Variants in FGF12 observed in about 807,000 individuals in gnomAD.
The protein encoded by FGF12 is fibroblast growth factor 12B.
In FGF12, 14 loss-of-function variants were observed where a neutral mutation model predicts 23.6. The ratio of observed to expected loss-of-function variants is 0.59; its 90% confidence interval spans 0.39 to 0.93. The LOEUF is 0.93. Among genes scored for constraint, FGF12 ranks in the 40% least tolerant of loss-of-function variants. The probability of loss-of-function intolerance (pLI) is 0.00; values close to 1 mark genes in which losing one functional copy is unlikely to be tolerated. For synonymous variants in FGF12, 62 were observed against 77.3 expected (o/e 0.80, Z 1.04); for missense variants, 175 against 217.8 (o/e 0.80, Z 1.24).
In FGF12 at chr3:192,514,051, C is replaced by G. The variant is rs1289953141; in HGVS notation, c.14-153513G>C. Reference sequence around the variant, plus strand: ...GCCTTTCTCAATATCTCAGTTCATTCAAAGGTTCTGATTTTCTTTCTTTTC... The same window carrying G: ...GCCTTTCTCAATATCTCAGTTCATTGAAAGGTTCTGATTTTCTTTCTTTTC... On this transcript the variant is annotated intron_variant, in intron 2 of 5. Coordinates refer to ENST00000445105, the MANE Select transcript of FGF12 (RefSeq NM_004113.6). This position sits in a 1 kb window ranked among gnomAD's most constrained non-coding sequence, Gnocchi z 4.9. Among the ~76,000 whole-genome samples, 1 of 151,952 alleles carries G rather than the reference C, an allele frequency of 6.6e-6. No homozygotes were observed. The highest frequency in any genetic ancestry group is 1.5e-5 in the Non-Finnish European group (1 of 67,996).
chr3:192,408,009 C>A lies in FGF12; in HGVS notation c.14-47471G>T. ...GCGTCCCCTCTGGGGAGCCCACTCT[C>A]CGGGCTTCTACTGACCTGGTCTCCG... On this transcript the variant is annotated intron_variant, in intron 2 of 5. Coordinates refer to ENST00000445105, the MANE Select transcript of FGF12 (RefSeq NM_004113.6). This position sits in a 1 kb window ranked among gnomAD's most constrained non-coding sequence, Gnocchi z 7.3. 6.3e-7 allele frequency: 1 copy of A among 1,595,238 alleles called. No homozygotes were observed. Among genetic ancestry groups the A allele is most frequent in the Non-Finnish European group, 8.5e-7 (1 of 1,171,314 alleles).
At chr3:192,593,417 T>A (rs939645919) in intron 2 of FGF12, among the ~76,000 whole-genome samples, 1 of 151,902 alleles carries the variant, frequency 6.6e-6, no homozygotes, top group African/African-American at 2.4e-5. Flanking sequence ...GCACTTATTA[T>A]CACCTGACAT....
chr3:192,329,279 T>A (rs1429200642), intron 4 of FGF12, among the ~76,000 whole-genome samples: 1 of 152,174 alleles, frequency 6.6e-6, no homozygotes, highest in African/African-American at 2.4e-5. Context: ...AGGTAAGATT[T>A]GAGCTGAGCT....
intron 4 of FGF12, among the ~76,000 whole-genome samples, chr3:192,239,122 T>C (rs188655729): frequency 3.3e-5 from 5 of 152,302 alleles, no homozygotes; most frequent in Admixed American, 3.3e-4. Context: ...TGTAGAAGTG[T>C]ACATGGCCCA....
rs1391204469 is a variant in FGF12 at position 192,233,450 on chromosome 3, A to C, written c.229-62794T>G. On this transcript the variant is annotated intron_variant, in intron 4 of 5. Transcript: ENST00000445105. ...AAGTTTCTTACAGATTCTGGACATT[A>C]GACCTTTGTTGGATGCATAGTTTGC... is the stretch of plus-strand genomic sequence containing the variant. 2.0e-5 allele frequency among the ~76,000 whole-genome samples: 3 copies of C among 152,122 alleles called. No individual in the cohort carries two copies. In the East Asian group the frequency reaches 5.8e-4, roughly 29 times the overall value.
At chr3:192,723,437 A>G (rs926164750) in intron 2 of FGF12, among the ~76,000 whole-genome samples, 1 of 152,126 alleles carries the variant, frequency 6.6e-6, no homozygotes, top group Non-Finnish European at 1.5e-5. Context: ...CAGTTCCCTG[A>G]GATCTACACC....
intron 4 of FGF12, among the ~76,000 whole-genome samples, chr3:192,217,508 C>A (rs148836730): frequency 6.6e-6 from 1 of 152,050 alleles, no homozygotes; most frequent in African/African-American, 2.4e-5. Flanking sequence ...CAAAGAGGAA[C>A]GTAGACAACA....
chr3:192,373,183 C>A lies in FGF12; in HGVS notation c.14-12645G>T, dbSNP rs2108745381. Among the ~76,000 whole-genome samples, 3 of 152,120 alleles carry A rather than the reference C, an allele frequency of 2.0e-5. No homozygotes were observed. The South Asian group carries it at 6.2e-4, about 31-fold the overall frequency. ...TCTTTGTTGTTTATTATCTATTTCC[C>A]ACTCTAGACTGTAGCATCCCTGAGG... is the stretch of plus-strand genomic sequence containing the variant. On this transcript the variant is annotated intron_variant, in intron 2 of 5. Transcript: ENST00000445105.
chr3:192,682,243 TTATCTGC>T (rs1430841323), intron 2 of FGF12, among the ~76,000 whole-genome samples: 1 of 152,172 alleles, frequency 6.6e-6, no homozygotes, highest in Admixed American at 6.5e-5. Flanking sequence ...ACACCCAATA[TTATCTGC>T]TATAAGCCCC....
intron 4 of FGF12, among the ~76,000 whole-genome samples, chr3:192,307,306 A>G (rs905124552): frequency 6.6e-6 from 1 of 152,202 alleles, no homozygotes; most frequent in Non-Finnish European, 1.5e-5. Flanking sequence ...ATGCCAGATA[A>G]AAAAGGCACA....
chr3:192,178,114 A>G (rs1715959710), intron 4 of FGF12, among the ~76,000 whole-genome samples: 2 of 152,196 alleles, frequency 1.3e-5, no homozygotes, highest in African/African-American at 4.8e-5. Flanking sequence ...TCAAATGGGA[A>G]AGGCCTCTTT....
intron 2 of FGF12, among the ~76,000 whole-genome samples, chr3:192,702,325 A>G (rs1253312114): frequency 2.0e-5 from 3 of 152,196 alleles, no homozygotes; most frequent in Non-Finnish European, 2.9e-5. Flanking sequence ...AAAGTTAGGT[A>G]ATGGAACTAA....
At chr3:192,310,376 C>A (rs1280577712) in intron 4 of FGF12, among the ~76,000 whole-genome samples, 2 of 152,122 alleles carry the variant, frequency 1.3e-5, no homozygotes, top group African/African-American at 4.8e-5. Context: ...GAAAGTATGT[C>A]TTCATGTGTC....
intron 2 of FGF12, among the ~76,000 whole-genome samples, chr3:192,397,081 G>T (rs1328815710): frequency 6.6e-6 from 1 of 152,234 alleles, no homozygotes; most frequent in African/African-American, 2.4e-5. Context: ...AAAGAAGGGA[G>T]TTTTGTGGCA....
chr3:192,595,668 G>C (rs1231632752), intron 2 of FGF12, among the ~76,000 whole-genome samples: 1 of 152,170 alleles, frequency 6.6e-6, no homozygotes, highest in African/African-American at 2.4e-5. Flanking sequence ...CTAGTGCAGG[G>C]ACCACACTTG....
At chr3:192,175,244 A>G (rs1042915067) in intron 4 of FGF12, among the ~76,000 whole-genome samples, 5 of 152,212 alleles carry the variant, frequency 3.3e-5, no homozygotes, top group African/African-American at 1.2e-4. Flanking sequence ...TCCAGTGCAT[A>G]TAATAGAAAG....
Position 192,677,620 on chromosome 3 carries a change from A to G in FGF12, c.13+49561T>C, listed in dbSNP as rs1177033897. The stretch of plus-strand genomic sequence containing the variant: ...CTCTAAAATTGGAAACTGAAAAAAC[A>G]AAATAGCCATATGTTCTATGCCTGA... On this transcript the variant is annotated intron_variant, in intron 2 of 5. Transcript: ENST00000445105. Among the ~76,000 whole-genome samples, 2 of 152,270 alleles carry G rather than the reference A, an allele frequency of 1.3e-5. 1 individual carries two copies. Among genetic ancestry groups the G allele is most frequent in the East Asian group, 3.8e-4 (2 of 5,202 alleles).
At position 192,551,777 on chromosome 3, in the gene FGF12, C is replaced by A. The variant is rs577214109; in HGVS notation, c.13+175404G>T. The stretch of plus-strand genomic sequence containing the variant: ...AGAAAAAAAAAATACTCAATACATA[C>A]CATCCCACAACATACCATTCATAAT... On this transcript the variant is annotated intron_variant, in intron 2 of 5. Coordinates refer to ENST00000445105, the MANE Select transcript of FGF12 (RefSeq NM_004113.6). 1.9e-4 allele frequency among the ~76,000 whole-genome samples: 29 copies of A among 152,194 alleles called. No homozygotes were observed. In the South Asian group the frequency reaches 5.4e-3, roughly 28 times the overall value.
At chr3:192,427,279 G>A (rs1415667059) in intron 2 of FGF12, among the ~76,000 whole-genome samples, 1 of 152,028 alleles carries the variant, frequency 6.6e-6, no homozygotes, top group Non-Finnish European at 1.5e-5. Flanking sequence ...TACTCAGGAG[G>A]CTGAGGCAAG....
Sources: gnomAD v4.1 joint callset for allele counts (sites outside exome capture counted in the v4.1 genomes callset) on GRCh38, gnomAD v4.1.1 for gene constraint, Gnocchi (gnomAD v3.1) non-coding constraint, MANE v1.5 for transcripts, NCBI Gene and HGNC (gene_info 2026-07-23, HGNC 2026-07-21) for gene names.